Variants in PRKAR1B observed in about 807,000 individuals in gnomAD.
The protein encoded by PRKAR1B is protein kinase cAMP-dependent type I regulatory subunit beta.
In PRKAR1B, 22 loss-of-function variants were observed where a neutral mutation model predicts 46.5. The observed-to-expected ratio is 0.47, with a 90% confidence interval of 0.34 to 0.68. PRKAR1B has a LOEUF of 0.68. Ranked by LOEUF, PRKAR1B falls within the 30% of genes least tolerant of loss-of-function variation. PRKAR1B has a pLI of 0.01. For missense variants in PRKAR1B, 445 were observed against 535.6 expected (o/e 0.83, Z 1.67); for synonymous variants, 259 against 217.7 (o/e 1.19, Z -1.67).
intron 1 of PRKAR1B, chr7:726,585 C>A (rs972756350): frequency 1.8e-6 from 1 of 551,626 alleles, no homozygotes; most frequent in Non-Finnish European, 2.6e-6. Flanking sequence ...ACGACAAGAG[C>A]ACAGGCCCAC....
intron 4 of PRKAR1B, among the ~76,000 whole-genome samples, chr7:652,520 G>A (rs190974271): frequency 1.5e-3 from 229 of 152,126 alleles, no homozygotes; most frequent in African/African-American, 5.4e-3. Context: ...AGGAACCTGG[G>A]GAAACCCCTC....
chr7:713,709 G>A (rs1448776014), intron 1 of PRKAR1B, among the ~76,000 whole-genome samples: 1 of 152,000 alleles, frequency 6.6e-6, no homozygotes, highest in Non-Finnish European at 1.5e-5. Context: ...CTTGTTCATT[G>A]CTCAGCTGTC....
intron 9 of PRKAR1B, among the ~76,000 whole-genome samples, chr7:563,308 C>A (rs1477508474): frequency 1.3e-5 from 2 of 152,372 alleles, no homozygotes; most frequent in African/African-American, 2.4e-5. Flanking sequence ...CCCCAGTTTT[C>A]TTTTCCAATG....
chr7:699,380 A>T (rs1241896643), intron 2 of PRKAR1B, among the ~76,000 whole-genome samples: 2 of 152,182 alleles, frequency 1.3e-5, no homozygotes, highest in African/African-American at 2.4e-5. Context: ...CAAAGCAGGA[A>T]GGCACTGACG....
chr7:550,531 T>TCA lies in PRKAR1B; in HGVS notation c.1043_1044dup (p.Lys349Ter). 1.9e-6 allele frequency: 3 copies of TCA among 1,605,686 alleles called. No individual in the cohort carries two copies. Among genetic ancestry groups the TCA allele is most frequent in the Non-Finnish European group, 2.5e-6 (3 of 1,176,678 alleles). ...CGCTCGAAGCGGGGCCGGTCCAGCT[T>TCA]CACACACTTGAGGGGCCCCCGGGCC... On this transcript the variant is annotated frameshift_variant, in exon 11 of 11. Coordinates refer to ENST00000537384, the MANE Select transcript of PRKAR1B (RefSeq NM_001164760.2). LOFTEE classifies it high-confidence loss of function.
rs1005898940 is a variant in PRKAR1B at position 644,001 on chromosome 7, C to A, written c.440+33228G>T. ...CACACTGTGCCATTCGAATTCCCAC[C>A]CACAAACCCGTGAGCATGATGAAAT... On this transcript the variant is annotated intron_variant, in intron 4 of 10. Transcript: ENST00000537384. This position sits in a 1 kb window ranked among gnomAD's most constrained non-coding sequence, Gnocchi z 4.9. Among the ~76,000 whole-genome samples, 1 of 152,172 alleles carries A rather than the reference C, an allele frequency of 6.6e-6. No homozygotes were observed. The highest frequency in any genetic ancestry group is 1.5e-5 in the Non-Finnish European group (1 of 68,034).
At chr7:663,282 G>GGAGT (rs1785716316) in intron 4 of PRKAR1B, among the ~76,000 whole-genome samples, 2 of 152,172 alleles carry the variant, frequency 1.3e-5, no homozygotes, top group Non-Finnish European at 2.9e-5. Context: ...GCTGGAGAGA[G>GGAGT]GAGTGGTGCA....
chr7:727,549 C>T, upstream of PRKAR1B: 1 of 270,930 alleles, frequency 3.7e-6, no homozygotes, highest in South Asian at 1.6e-4. Flanking sequence ...CCGCCACCAA[C>T]GCGCCCTTCA....
At chr7:619,310 C>G (rs1166823530) in intron 4 of PRKAR1B, among the ~76,000 whole-genome samples, 1 of 152,238 alleles carries the variant, frequency 6.6e-6, no homozygotes, top group Non-Finnish European at 1.5e-5. Flanking sequence ...CCTCCAGAAG[C>G]ATGAGACGCT....
At chr7:590,234 G>A (rs1247876669) in intron 7 of PRKAR1B, among the ~76,000 whole-genome samples, 4 of 152,226 alleles carry the variant, frequency 2.6e-5, no homozygotes, top group African/African-American at 9.6e-5. Context: ...AAACCATAAG[G>A]GGACTCTGCT....
chr7:712,199 G>A (rs1780678957), intron 1 of PRKAR1B, among the ~76,000 whole-genome samples: 1 of 148,080 alleles, frequency 6.8e-6, no homozygotes, highest in Non-Finnish European at 1.5e-5. Flanking sequence ...AGACCGCCGG[G>A]AAGGCGCCCA....
chr7:554,484 T>G (rs542157704), intron 9 of PRKAR1B, among the ~76,000 whole-genome samples: 2 of 152,362 alleles, frequency 1.3e-5, no homozygotes, highest in South Asian at 4.1e-4. Flanking sequence ...GATTACTTGG[T>G]GAAACCTGGG....
chr7:675,202 G>A (rs994398696), intron 4 of PRKAR1B, among the ~76,000 whole-genome samples: 3 of 152,204 alleles, frequency 2.0e-5, no homozygotes, highest in Non-Finnish European at 2.9e-5. Context: ...GGAACGCTGT[G>A]CAGATACGCA....
intron 2 of PRKAR1B, among the ~76,000 whole-genome samples, chr7:710,058 C>A (rs1465397120): frequency 1.3e-5 from 2 of 152,158 alleles, no homozygotes; most frequent in East Asian, 3.8e-4. Context: ...TAGGCATATG[C>A]ATTACTTTAA....
intron 4 of PRKAR1B, among the ~76,000 whole-genome samples, chr7:627,769 C>T (rs897935700): frequency 1.7e-5 from 2 of 117,390 alleles, no homozygotes; most frequent in Non-Finnish European, 1.9e-5. Flanking sequence ...GGTGAGCACC[C>T]GCCACTCAGG....
Position 680,710 on chromosome 7 carries a change from A to T in PRKAR1B, c.194T>A (p.Ile65Asn). 6.2e-7 allele frequency: 1 copy of T among 1,613,918 alleles called. No homozygotes were observed. The highest frequency in any genetic ancestry group is 8.5e-7 in the Non-Finnish European group (1 of 1,179,984). ...EKLEKEENRQILARQKSNSQS... is the reference protein window; with the variant it reads ...EKLEKEENRQNLARQKSNSQS... ...TGAGTTTGACTTTTGCCGCGCCAAA[A>T]TCTGCCTGTTTTCTTCCTGTGTGGG... Residue 65 changes from isoleucine (I) to asparagine (N), a missense_variant, in exon 3 of 11, where the codon ATT becomes AAT. By Grantham distance (149) the Ile-to-Asn change is moderately radical. Around this residue, in one of 5 missense-constraint regions of PRKAR1B, gnomAD observed 155 missense variants for 127.5 expected, o/e 1.22. Coordinates refer to ENST00000537384, the MANE Select transcript of PRKAR1B (RefSeq NM_001164760.2).
chr7:634,373 G>C (rs1783924682), intron 4 of PRKAR1B, among the ~76,000 whole-genome samples: 1 of 152,124 alleles, frequency 6.6e-6, no homozygotes, highest in African/African-American at 2.4e-5. Flanking sequence ...AGCTACTCGG[G>C]AGGCTAAGGC....
At chr7:563,667 G>A (rs1020671020) in intron 9 of PRKAR1B, among the ~76,000 whole-genome samples, 1 of 152,180 alleles carries the variant, frequency 6.6e-6, no homozygotes, top group Non-Finnish European at 1.5e-5. Flanking sequence ...GTGTGAGCAT[G>A]TGTGCACGTG....
At position 551,445 on chromosome 7, in the gene PRKAR1B, C is replaced by A. The variant is rs866622752; in HGVS notation, c.917G>T (p.Arg306Leu). ...TEGTASVLQR[R>L]SPNEEYVEVG... is the part of the protein sequence containing the mutation. ...CTCCACGTACTCCTCATTGGGGGAC[C>A]GGCGCTGCAGCACGGACGCGGTGCC... is the stretch of plus-strand genomic sequence containing the variant. Residue 306 changes from arginine to leucine, a missense_variant, in exon 10 of 11, where the codon CGG (arginine) becomes CTG (leucine). This residue lies in a region of PRKAR1B where 127 missense variants were observed against 138.0 expected (regional missense o/e 0.92). Transcript: ENST00000537384. The A allele has an allele frequency of 1.9e-6, 3 of 1,558,730 alleles. No individual in the cohort carries two copies. The highest frequency in any genetic ancestry group is 1.9e-5 in the Admixed American group (1 of 51,490).
Sources: gnomAD v4.1 joint callset for allele counts (sites outside exome capture counted in the v4.1 genomes callset) on GRCh38, gnomAD v4.1.1 for gene constraint, gnomAD v4.1.1 regional missense constraint, Gnocchi (gnomAD v3.1) non-coding constraint, MANE v1.5 for transcripts, NCBI Gene and HGNC (gene_info 2026-07-23, HGNC 2026-07-21) for gene names.